The following MOCOS variants were observed in gnomAD, a reference collection of about 807,000 sequenced individuals.
MOCOS encodes the protein molybdenum cofactor sulfurase.
MOCOS carries 86 observed loss-of-function variants against 83.6 expected under a neutral mutation model. That is an observed-to-expected ratio of 1.03 (90% CI 0.86 to 1.23). MOCOS has a LOEUF of 1.23. MOCOS is among the 50% of genes most tolerant of loss of function. MOCOS has a pLI of 0.00. For missense variants in MOCOS, 1,120 were observed against 1,126.9 expected (o/e 0.99, Z 0.09); for synonymous variants, 445 against 434.7 (o/e 1.02, Z -0.29).
At chr18:36,222,746 C>T (rs944173961) in intron 9 of MOCOS, among the ~76,000 whole-genome samples, 20 of 151,728 alleles carry the variant, frequency 1.3e-4, no homozygotes, top group Admixed American at 7.9e-4. Flanking sequence ...GGACTACAGG[C>T]GCCCGCCACT....
chr18:36,258,966 T>C (rs1433617790), intron 12 of MOCOS, among the ~76,000 whole-genome samples: 1 of 152,094 alleles, frequency 6.6e-6, no homozygotes, highest in Non-Finnish European at 1.5e-5. Flanking sequence ...TTCTGACTTC[T>C]TTCACCATAG....
At chr18:36,203,915 G>C (rs890332221) in intron 5 of MOCOS, among the ~76,000 whole-genome samples, 3 of 152,156 alleles carry the variant, frequency 2.0e-5, no homozygotes, top group Non-Finnish European at 4.4e-5. Context: ...TACTTTCCAA[G>C]GAAAGATATT....
At chr18:36,203,247 C>T in intron 5 of MOCOS, 58 bp downstream of exon 5, 3 of 1,476,864 alleles carry the variant, frequency 2.0e-6, no homozygotes, top group Non-Finnish European at 2.8e-6. Context: ...TGAGGGAGCT[C>T]TGGCACAGGT....
At chr18:36,240,999 C>T (rs368631942) in intron 9 of MOCOS, among the ~76,000 whole-genome samples, 92 of 152,320 alleles carry the variant, frequency 6.0e-4, no homozygotes, top group Non-Finnish European at 5.6e-4. Flanking sequence ...GGCTCGCGCA[C>T]GGTGCGTGCA....
intron 6 of MOCOS, among the ~76,000 whole-genome samples, chr18:36,210,291 T>TG (rs1255550616): frequency 1.3e-5 from 2 of 152,136 alleles, no homozygotes; most frequent in Non-Finnish European, 2.9e-5. Context: ...AATATTCTTC[T>TG]GGGGGAGATG....
intron 7 of MOCOS, among the ~76,000 whole-genome samples, chr18:36,214,560 C>T (rs1475298546): frequency 6.6e-6 from 1 of 152,012 alleles, no homozygotes; most frequent in African/African-American, 2.4e-5. Flanking sequence ...CAGGGTATAG[C>T]CTGTTTTGAA....
intron 7 of MOCOS, 98 bp downstream of exon 7, chr18:36,213,580 C>A: frequency 1.1e-6 from 1 of 929,792 alleles, no homozygotes; most frequent in Non-Finnish European, 1.8e-6. Context: ...GCTGCATACT[C>A]ATTTCTCCAC....
chr18:36,201,819 G>A (rs1318306943), intron 4 of MOCOS, among the ~76,000 whole-genome samples: 1 of 152,282 alleles, frequency 6.6e-6, no homozygotes, highest in East Asian at 1.9e-4. Flanking sequence ...GAATGCTCAT[G>A]TAAAACCTCT....
At position 36,268,618 on chromosome 18, in the gene MOCOS, T is replaced by G. The variant is rs1057251; in HGVS notation, c.2600T>G (p.Val867Gly). 6.2e-7 allele frequency: 1 copy of G among 1,613,750 alleles called. No individual in the cohort carries two copies. The highest frequency in any genetic ancestry group is 1.3e-5 in the African/African-American group (1 of 74,878). The change falls in exon 15 of 15, where the codon GTG becomes GGG. Residue 867 changes from valine (V) to glycine (G), a missense_variant. Transcript: ENST00000261326. ...TCTGTAGGATCTCAGGTGCTCCCTG[T>G]GTTGAAAGAGAATGTGGAAGGTCAT... ...FLSVGSQVLPVLKENVEGHDL... is the reference protein window; with the variant it reads ...FLSVGSQVLPGLKENVEGHDL...
At chr18:36,233,338 G>C (rs933686607) in intron 9 of MOCOS, among the ~76,000 whole-genome samples, 12 of 152,070 alleles carry the variant, frequency 7.9e-5, no homozygotes, top group African/African-American at 2.9e-4. Flanking sequence ...CCAGATTGTT[G>C]CAAATGCCAT....
chr18:36,267,998 T>C (rs2091687243), intron 14 of MOCOS, among the ~76,000 whole-genome samples: 1 of 152,170 alleles, frequency 6.6e-6, no homozygotes, highest in Non-Finnish European at 1.5e-5. Flanking sequence ...TCGGAGAGCA[T>C]GTCAAGTCCT....
chr18:36,250,757 G>A (rs548329631), intron 10 of MOCOS, among the ~76,000 whole-genome samples: 9 of 152,286 alleles, frequency 5.9e-5, no homozygotes, highest in African/African-American at 2.2e-4. Context: ...AACCAAACAC[G>A]TCAGTCCATG....
chr18:36,223,650 G>A (rs77766895), intron 9 of MOCOS, among the ~76,000 whole-genome samples: 2,798 of 152,228 alleles, frequency 0.018, 85 homozygotes, highest in African/African-American at 0.064. Flanking sequence ...GATTTTGATA[G>A]GGATTGCATT....
intron 6 of MOCOS, among the ~76,000 whole-genome samples, chr18:36,206,374 ACAGCTGGGACTACGGACAT>A (rs1233301092): frequency 6.6e-6 from 1 of 151,100 alleles, no homozygotes; most frequent in Non-Finnish European, 1.5e-5. Context: ...AGCCTCCTAA[ACAGCTGGGACTACGGACAT>A]GTGCCACCAT....
At chr18:36,266,028 T>G (rs933417289) in intron 13 of MOCOS, among the ~76,000 whole-genome samples, 1 of 152,232 alleles carries the variant, frequency 6.6e-6, no homozygotes, top group Non-Finnish European at 1.5e-5. Flanking sequence ...GTTGGGCTTC[T>G]CGTTCCTTTC....
chr18:36,257,736 C>T (rs147570359), intron 12 of MOCOS, among the ~76,000 whole-genome samples: 16 of 152,274 alleles, frequency 1.1e-4, no homozygotes, highest in East Asian at 1.9e-4. Context: ...GTGACTGGGA[C>T]GGGCTCCTCA....
intron 13 of MOCOS, 99 bp from the exon 14 acceptor site, chr18:36,266,650 T>C (rs1189219479): frequency 1.1e-5 from 11 of 989,288 alleles, no homozygotes; most frequent in Non-Finnish European, 1.6e-5. Context: ...TGGCTCTCCA[T>C]AGTTAGGGGA....
chr18:36,191,503 G>A lies in MOCOS; in HGVS notation c.143-3754G>A, dbSNP rs535948842. 5.3e-5 allele frequency among the ~76,000 whole-genome samples: 8 copies of A among 152,322 alleles called. No homozygotes were observed. The South Asian group carries it at 1.7e-3, about 32-fold the overall frequency. On this transcript the variant is annotated intron_variant, in intron 1 of 14. Coordinates refer to ENST00000261326, the MANE Select transcript of MOCOS (RefSeq NM_017947.4). Reference sequence around the variant, plus strand: ...CTGTCACCCAGGCTGGAATGCAGTGGCATGATCATAGCTCACTGCCGCCTT... The same window carrying A: ...CTGTCACCCAGGCTGGAATGCAGTGACATGATCATAGCTCACTGCCGCCTT...
rs199626640 is a variant in MOCOS, at chr18:36,203,068, G to A, written c.942-45G>A. 1.9e-5 allele frequency: 30 copies of A among 1,571,260 alleles called. No homozygotes were observed. The East Asian group carries it at 2.9e-4, about 15-fold the overall frequency. Reference sequence around the variant, plus strand: ...ATATACCACGAAATGCACATGGATTGTTTTGACCACAGCTTGACCTGTTCT... The same window carrying A: ...ATATACCACGAAATGCACATGGATTATTTTGACCACAGCTTGACCTGTTCT... On this transcript the variant is annotated intron_variant, in intron 4 of 14. Coordinates refer to ENST00000261326, the MANE Select transcript of MOCOS (RefSeq NM_017947.4).
Sources: gnomAD v4.1 joint callset for allele counts (sites outside exome capture counted in the v4.1 genomes callset) on GRCh38, gnomAD v4.1.1 for gene constraint, MANE v1.5 for transcripts, NCBI Gene and HGNC (gene_info 2026-07-23, HGNC 2026-07-21) for gene names.